MYH13: variants seen among roughly 807,000 people sequenced by gnomAD.
MYH13 encodes myosin heavy chain 13.
Under a neutral mutation model 232.1 loss-of-function variants are expected in MYH13, and 177 were observed. The ratio of observed to expected loss-of-function variants is 0.76; its 90% CI spans 0.67 to 0.86. MYH13 has a LOEUF of 0.86. Ranked by LOEUF, MYH13 falls within the 40% of genes least tolerant of loss-of-function variation. The probability of loss-of-function intolerance (pLI) is 0.00; values close to 1 mark genes in which losing one functional copy is unlikely to be tolerated. For synonymous variants in MYH13, 884 were observed against 923.5 expected, an observed-to-expected ratio of 0.96 and a Z score of 0.78; for missense variants, 2,246 against 2,405.9, an observed-to-expected ratio of 0.93 and a Z score of 1.39.
At chr17:10,343,728 T>C in intron 16 of MYH13, 72 bp downstream of exon 16, 1 of 1,453,354 alleles carries the variant, frequency 6.9e-7, no homozygotes, top group Non-Finnish European at 9.1e-7. Context: ...TACTGGTTCT[T>C]CACAAGCAGC....
At chr17:10,370,390 G>A (rs1283021480) in intron 2 of MYH13, among the ~76,000 whole-genome samples, 1 of 152,190 alleles carries the variant, frequency 6.6e-6, no homozygotes, top group East Asian at 1.9e-4. Flanking sequence ...CATGACTCAT[G>A]CTGCCCACTG....
chr17:10,324,079 A>G lies in MYH13; in HGVS notation c.2877T>C (p.Asp959=). The change falls in exon 23 of 41, where the codon GAT becomes GAC. Residue 959 remains aspartate (D), a synonymous_variant. Coordinates refer to ENST00000252172, the MANE Select transcript of MYH13 (RefSeq NM_003802.3). ...DKCSSLKRDI[D]DLELTLTKVE... The stretch of plus-strand genomic sequence containing the variant: ...CTTTCGTCAAGGTCAGCTCCAGGTC[A>G]TCAATGTCTCTCTTGAGAGAGGAGC... 1 of 1,614,040 alleles carries G rather than the reference A, an allele frequency of 6.2e-7. No individual in the cohort carries two copies. The highest frequency in any genetic ancestry group is 8.5e-7 in the Non-Finnish European group (1 of 1,179,962).
At chr17:10,349,594 T>G (rs945989002) in intron 12 of MYH13, among the ~76,000 whole-genome samples, 8 of 152,086 alleles carry the variant, frequency 5.3e-5, no homozygotes, top group Admixed American at 5.2e-4. Context: ...GCACCCAAGG[T>G]GTGCCCCCTG....
At chr17:10,322,266 T>C (rs565337730) in intron 23 of MYH13, among the ~76,000 whole-genome samples, 10 of 150,282 alleles carry the variant, frequency 6.7e-5, no homozygotes, top group South Asian at 4.2e-4. Flanking sequence ...GGCATGGTGG[T>C]GGGCACCTGT....
chr17:10,364,667 AG>A, intron 2 of MYH13, 125 bp from the exon 3 acceptor site: 5 of 775,012 alleles, frequency 6.5e-6, no homozygotes, highest in Non-Finnish European at 8.3e-6. Context: ...ATAGGTCCTG[AG>A]GGATCTATGG....
Position 10,350,556 on chromosome 17 carries a change from CT to C in MYH13, c.1143del (p.Val382TrpfsTer8). The C allele has an allele frequency of 6.2e-7, 1 of 1,612,044 alleles. No homozygotes were observed. The highest frequency in any genetic ancestry group is 1.1e-5 in the South Asian group (1 of 90,948). ...GCATCCCTTTCCCAGATGCAGTTAC[CT>C]TCGGTGCCGTCTGGCTCCGCCTGCT... is the stretch of plus-strand genomic sequence containing the variant. ...REEQAEPDGT[E>X]VADKAGYLMG... is the part of the protein sequence containing the mutation. On this transcript the variant is annotated frameshift_variant and splice_region_variant, in exon 12 of 41. Transcript: ENST00000252172. LOFTEE classifies it high-confidence loss of function.
rs750293503 is a variant in MYH13 at position 10,324,101 on chromosome 17, G to T, written c.2855C>A (p.Ser952Tyr). The change falls in exon 23 of 41, where the codon TCC becomes TAC. Residue 952 changes from serine to tyrosine, a missense_variant. Ser to Tyr is a moderately radical substitution (Grantham distance 144). Coordinates refer to ENST00000252172, the MANE Select transcript of MYH13 (RefSeq NM_003802.3). Reference protein sequence around the residue: ...AKKRNLEDKCSSLKRDIDDLE... With the variant: ...AKKRNLEDKCYSLKRDIDDLE... ...GTCATCAATGTCTCTCTTGAGAGAG[G>T]AGCATTTATCTTCCAGATTCCTCTT... 3 of 1,613,916 alleles carry T rather than the reference G, an allele frequency of 1.9e-6. No homozygotes were observed. Among genetic ancestry groups the T allele is most frequent in the Non-Finnish European group, 1.7e-6 (2 of 1,179,902 alleles).
chr17:10,355,598 G>A (rs1431355019), intron 8 of MYH13, among the ~76,000 whole-genome samples: 1 of 152,108 alleles, frequency 6.6e-6, no homozygotes, highest in Non-Finnish European at 1.5e-5. Context: ...CCTCTCCACC[G>A]GGTGCCCAGT....
In MYH13 at chr17:10,304,070, G is replaced by A. The variant is rs1287585668; in HGVS notation, c.5467-572C>T. Among the ~76,000 whole-genome samples, 1 of 152,114 alleles carries A rather than the reference G, an allele frequency of 6.6e-6. No homozygotes were observed. Among genetic ancestry groups the A allele is most frequent in the Non-Finnish European group, 1.5e-5 (1 of 68,034 alleles). Reference sequence around the variant, plus strand: ...CTCATAAGTGGGAGTTGAACAATGAGAACACATGGTCACAGTAAAGGGAAG... The same window carrying A: ...CTCATAAGTGGGAGTTGAACAATGAAAACACATGGTCACAGTAAAGGGAAG... On this transcript the variant is annotated intron_variant, in intron 37 of 40. Coordinates refer to ENST00000252172, the MANE Select transcript of MYH13 (RefSeq NM_003802.3). The surrounding 1 kb of genome is among the most constrained non-coding windows in gnomAD (Gnocchi z 5.3).
chr17:10,338,180 T>A (rs1173233129), intron 18 of MYH13, among the ~76,000 whole-genome samples: 1 of 152,162 alleles, frequency 6.6e-6, no homozygotes, highest in Non-Finnish European at 1.5e-5. Flanking sequence ...CATGTTTGAT[T>A]TATGCAAACA....
chr17:10,322,854 C>T (rs1331507056), intron 23 of MYH13, among the ~76,000 whole-genome samples: 2 of 151,998 alleles, frequency 1.3e-5, no homozygotes, highest in Non-Finnish European at 2.9e-5. Flanking sequence ...AGGATGGTCT[C>T]GATCTCCTGA....
intron 20 of MYH13, among the ~76,000 whole-genome samples, chr17:10,331,085 C>A (rs192618786): frequency 8.5e-5 from 13 of 152,202 alleles, no homozygotes; most frequent in African/African-American, 3.1e-4. Flanking sequence ...GCCCCACCAA[C>A]CCACAGAGAT....
At chr17:10,348,809 A>G (rs532771520) in intron 12 of MYH13, among the ~76,000 whole-genome samples, 36 of 152,156 alleles carry the variant, frequency 2.4e-4, no homozygotes, top group African/African-American at 8.7e-4. Context: ...GGCCTGCCAT[A>G]TATTCTAAAC....
intron 2 of MYH13, among the ~76,000 whole-genome samples, chr17:10,368,394 G>T (rs1282594698): frequency 6.6e-6 from 1 of 152,112 alleles, no homozygotes; most frequent in Non-Finnish European, 1.5e-5. Context: ...TCTGCTAGTT[G>T]GTCTTTTAAA....
chr17:10,320,470 CT>C lies in MYH13; in HGVS notation c.3137del (p.Lys1046ArgfsTer18). 1 of 1,613,408 alleles carries C rather than the reference CT, an allele frequency of 6.2e-7. No homozygotes were observed. The highest frequency in any genetic ancestry group is 8.5e-7 in the Non-Finnish European group (1 of 1,179,712). On this transcript the variant is annotated frameshift_variant, in exon 25 of 41. Coordinates refer to ENST00000252172, the MANE Select transcript of MYH13 (RefSeq NM_003802.3). LOFTEE classifies it high-confidence loss of function. ...CCCTTTCCAAGTCCGCCCGCAGTTT[CT>C]TCTCCTGCTCTAAGGAACCCTCAAG... is the stretch of plus-strand genomic sequence containing the variant. ...DDLEGSLEQE[K>X]KLRADLERAK...
intron 2 of MYH13, among the ~76,000 whole-genome samples, chr17:10,368,484 A>T (rs1053686765): frequency 6.6e-6 from 1 of 152,330 alleles, no homozygotes; most frequent in Non-Finnish European, 1.5e-5. Context: ...CCAGGAGACA[A>T]CCATCAAACT....
intron 1 of MYH13, among the ~76,000 whole-genome samples, chr17:10,372,500 A>T (rs1187634906): frequency 1.3e-5 from 2 of 152,250 alleles, no homozygotes; most frequent in African/African-American, 4.8e-5. Context: ...AATTCATATC[A>T]GACTATGACA....
chr17:10,330,256 C>A, intron 21 of MYH13, 131 bp downstream of exon 21: 1 of 1,310,638 alleles, frequency 7.6e-7, no homozygotes, highest in Non-Finnish European at 1.0e-6. Context: ...GATTGCCGCT[C>A]AGTAGATGTG....
At chr17:10,323,789 AG>A (rs1312697827) in intron 23 of MYH13, among the ~76,000 whole-genome samples, 1,169 of 36,922 alleles carry the variant, frequency 0.032, 51 homozygotes, top group East Asian at 0.056. Flanking sequence ...AAAAAAAAAA[AG>A]AAGAAGAAGA....
Sources: allele counts gnomAD v4.1 joint callset (sites outside exome capture counted in the v4.1 genomes callset), GRCh38; gene constraint gnomAD v4.1.1; non-coding constraint Gnocchi (gnomAD v3.1); transcripts MANE v1.5; gene names NCBI Gene and HGNC (gene_info 2026-07-23, HGNC 2026-07-21).